PHACTR3: variants seen among roughly 807,000 people sequenced by gnomAD.
The protein encoded by PHACTR3 is protein phosphatase 1, regulatory subunit 123.
A neutral mutation model predicts 66.8 loss-of-function variants in PHACTR3; 16 were observed. The ratio of observed to expected loss-of-function variants is 0.24; its 90% CI spans 0.16 to 0.36. PHACTR3 has a LOEUF of 0.36. PHACTR3 is among the 10% of genes least tolerant of loss of function. The pLI, the probability that PHACTR3 is intolerant of heterozygous loss-of-function variation, is 1.00. For synonymous variants in PHACTR3, 323 were observed against 292.1 expected (o/e 1.11, Z -1.08); for missense variants, 647 against 719.9 (o/e 0.90, Z 1.16).
chr20:59,769,191 A>G (rs1391831507), intron 5 of PHACTR3, among the ~76,000 whole-genome samples: 1 of 152,184 alleles, frequency 6.6e-6, no homozygotes, highest in East Asian at 1.9e-4. Flanking sequence ...CATGCGCCCC[A>G]TCTTCCAGCA....
chr20:59,825,693 A>G (rs1457732893), intron 8 of PHACTR3, among the ~76,000 whole-genome samples: 2 of 152,168 alleles, frequency 1.3e-5, no homozygotes, highest in African/African-American at 4.8e-5. Flanking sequence ...GAAGAGGTTT[A>G]AGCTGAACCA....
chr20:59,635,560 G>A (rs1011071969), intron 1 of PHACTR3, among the ~76,000 whole-genome samples: 12 of 151,988 alleles, frequency 7.9e-5, no homozygotes, highest in African/African-American at 2.9e-4. Context: ...TTATGTTTTT[G>A]CTGATTCAAA....
chr20:59,628,068 A>T (rs996008640), intron 1 of PHACTR3: 2 of 152,130 alleles, frequency 1.3e-5, no homozygotes, highest in Non-Finnish European at 2.9e-5. Flanking sequence ...TCCCTGCTCA[A>T]ATGCCTTCAG....
intron 7 of PHACTR3, among the ~76,000 whole-genome samples, chr20:59,791,711 A>C (rs537669760): frequency 2.0e-4 from 30 of 149,884 alleles, no homozygotes; most frequent in African/African-American, 7.4e-4. Context: ...TACATTAGGC[A>C]TATCTTCTAA....
chr20:59,774,647 T>G (rs866210866), intron 7 of PHACTR3, among the ~76,000 whole-genome samples, 157 bp downstream of exon 7: 12 of 151,076 alleles, frequency 7.9e-5, no homozygotes, highest in Middle Eastern at 3.2e-3. Flanking sequence ...GAAATGAGCT[T>G]CTCCTGAAAC....
chr20:59,784,765 C>T lies in PHACTR3; in HGVS notation c.1174+10275C>T, dbSNP rs1205511832. Among the ~76,000 whole-genome samples, 8 of 152,342 alleles carry T rather than the reference C, an allele frequency of 5.3e-5. No homozygotes were observed. The South Asian group carries it at 1.2e-3, about 24-fold the overall frequency. On this transcript the variant is annotated intron_variant, in intron 7 of 12. Transcript: ENST00000371015. ...GGGCTACACTGTGGGACGTTGTCAT[C>T]TGCAAAATAGGAAAACTAAATCCTA...
intron 7 of PHACTR3, among the ~76,000 whole-genome samples, chr20:59,797,479 A>G (rs2041284088): frequency 6.6e-6 from 1 of 152,028 alleles, no homozygotes; most frequent in African/African-American, 2.4e-5. Flanking sequence ...ACAGATTGGC[A>G]TATTTTGGGA....
chr20:59,631,073 G>A (rs1782156786), intron 1 of PHACTR3, among the ~76,000 whole-genome samples: 1 of 152,208 alleles, frequency 6.6e-6, no homozygotes, highest in South Asian at 2.1e-4. Flanking sequence ...GTTAAAGTGT[G>A]CGTTGAGCAG....
chr20:59,773,446 C>G lies in PHACTR3; in HGVS notation c.919C>G (p.Gln307Glu). The change falls in exon 6 of 13, where the codon CAG becomes GAG. Residue 307 changes from glutamine to glutamate, a missense_variant. Gln to Glu is a conservative substitution (Grantham distance 29). This residue lies in a region of PHACTR3 where 577 missense variants were observed against 571.1 expected (regional missense o/e 1.01). Coordinates refer to ENST00000371015, the MANE Select transcript of PHACTR3 (RefSeq NM_080672.5). ...LHRALATKHR[Q>E]DSFQGRESKG... ...CAGGGCGCTGGCCACGAAGCACCGC[C>G]AGGACAGGTGAGGCCCTGCCCCATG... 6.2e-7 allele frequency: 1 copy of G among 1,609,154 alleles called. No individual in the cohort carries two copies. Among genetic ancestry groups the G allele is most frequent in the Non-Finnish European group, 8.5e-7 (1 of 1,178,122 alleles).
intron 4 of PHACTR3, among the ~76,000 whole-genome samples, chr20:59,766,436 A>G (rs967058859): frequency 1.3e-5 from 2 of 152,204 alleles, no homozygotes; most frequent in African/African-American, 4.8e-5. Flanking sequence ...TGTTGTTGAA[A>G]TAATGGATGA....
intron 8 of PHACTR3, among the ~76,000 whole-genome samples, chr20:59,807,523 C>T (rs1428787866): frequency 5.9e-5 from 9 of 152,180 alleles, no homozygotes; most frequent in Non-Finnish European, 1.2e-4. Flanking sequence ...AGTAGGAGTA[C>T]ACTCTAAAAT....
At chr20:59,783,892 C>T (rs7272697) in intron 7 of PHACTR3, among the ~76,000 whole-genome samples, 4,401 of 152,304 alleles carry the variant, frequency 0.029, 177 homozygotes, top group African/African-American at 0.092. Flanking sequence ...CTGGGCCAGC[C>T]GTGTGCTCTT....
chr20:59,672,256 G>T (rs796725354), intron 1 of PHACTR3, among the ~76,000 whole-genome samples: 1 of 152,230 alleles, frequency 6.6e-6, no homozygotes, highest in Non-Finnish European at 1.5e-5. Context: ...CTGAGGCTGC[G>T]CATCCCTGCG....
intron 2 of PHACTR3, 119 bp from the exon 3 acceptor site, chr20:59,747,639 G>A (rs1431410576): frequency 8.6e-7 from 1 of 1,160,520 alleles, no homozygotes; most frequent in African/African-American, 1.5e-5. Flanking sequence ...CTAACCCCGA[G>A]GCGCCTGCTA....
At chr20:59,754,112 C>T (rs781287150) in intron 3 of PHACTR3, among the ~76,000 whole-genome samples, 11 of 152,228 alleles carry the variant, frequency 7.2e-5, no homozygotes, top group Non-Finnish European at 1.2e-4. Flanking sequence ...GGGGCTGTAA[C>T]GTGCATCTCA....
At chr20:59,579,296 A>G (rs1451887247) in intron 1 of PHACTR3, among the ~76,000 whole-genome samples, 1 of 152,204 alleles carries the variant, frequency 6.6e-6, no homozygotes, top group African/African-American at 2.4e-5. Context: ...CTAGGCCTTG[A>G]TGGATGGATG....
intron 3 of PHACTR3, among the ~76,000 whole-genome samples, chr20:59,749,389 G>A (rs766964384): frequency 6.6e-6 from 1 of 152,292 alleles, no homozygotes; most frequent in South Asian, 2.1e-4. Flanking sequence ...TAATTAAAGG[G>A]GAAAACTTCT....
At chr20:59,724,628 G>A (rs1027522829) in intron 1 of PHACTR3, among the ~76,000 whole-genome samples, 7 of 152,102 alleles carry the variant, frequency 4.6e-5, no homozygotes, top group South Asian at 2.1e-4. Flanking sequence ...AACCAGGGCC[G>A]TCACCCAATG....
In PHACTR3 at chr20:59,847,226, T is replaced by A; in HGVS notation, c.*96T>A. ...CCTGAAGTTCAGCTCAAGACTACCC[T>A]ACCTGCTGTGTTTGTGAGAAGAGTA... is the stretch of plus-strand genomic sequence containing the variant. On this transcript the variant is annotated 3_prime_UTR_variant, in exon 13 of 13. Transcript: ENST00000371015. 1.2e-6 allele frequency: 1 copy of A among 865,452 alleles called. No homozygotes were observed. The highest frequency in any genetic ancestry group is 1.9e-6 in the Non-Finnish European group (1 of 534,880). 53.6% of individuals were successfully genotyped at this position (865,452 alleles called of 1,614,324 possible).
Sources: gnomAD v4.1 joint callset for allele counts (sites outside exome capture counted in the v4.1 genomes callset) on GRCh38, gnomAD v4.1.1 for gene constraint, gnomAD v4.1.1 regional missense constraint, MANE v1.5 for transcripts, NCBI Gene and HGNC (gene_info 2026-07-23, HGNC 2026-07-21) for gene names.